Variants in RNLS observed in about 807,000 individuals in gnomAD.
The protein encoded by RNLS is renalase.
Under a neutral mutation model 39.8 loss-of-function variants are expected in RNLS, and 39 were observed. The ratio of observed to expected loss-of-function variants is 0.98; its 90% CI spans 0.76 to 1.28. The LOEUF (loss-of-function observed/expected upper bound fraction) is 1.28, where lower values mean the gene tolerates loss of function less well. Ranked by LOEUF, RNLS falls within the 50% of genes most tolerant of loss-of-function variation. The pLI is 0.00. For synonymous variants in RNLS, 147 were observed against 150.7 expected, an observed-to-expected ratio of 0.98 and a Z score of 0.18; for missense variants, 410 against 413.3, an observed-to-expected ratio of 0.99 and a Z score of 0.07.
At chr10:88,579,816 T>A (rs1358105854) in intron 3 of RNLS, among the ~76,000 whole-genome samples, 1 of 152,218 alleles carries the variant, frequency 6.6e-6, no homozygotes, top group Non-Finnish European at 1.5e-5. Context: ...CAAACACTAT[T>A]CTGGGTGTTT....
chr10:88,583,229 C>G lies in RNLS; in HGVS notation c.-39G>C, dbSNP rs760797564. The G allele has an allele frequency of 2.5e-6, 4 of 1,608,480 alleles. No homozygotes were observed. Among genetic ancestry groups the G allele is most frequent in the East Asian group, 4.5e-5 (2 of 44,812 alleles). ...AGCGATCCGCGCTGAGTCTCTGCGG[C>G]GGGGCCGTTCGGCCCGGGCTTTCTG... On this transcript the variant is annotated 5_prime_UTR_variant, in exon 1 of 7. Coordinates refer to ENST00000331772, the MANE Select transcript of RNLS (RefSeq NM_001031709.3).
At chr10:88,259,121 G>A in the RNLS span, 3 of 152,168 alleles carry the variant, frequency 2.0e-5, no homozygotes, top group Non-Finnish European at 4.4e-5. Context: ...CAAAGACACT[G>A]GTTTAGAAAA....
intron 4 of RNLS, among the ~76,000 whole-genome samples, chr10:88,496,734 A>G (rs568935196): frequency 6.6e-6 from 1 of 152,272 alleles, no homozygotes; most frequent in East Asian, 1.9e-4. Flanking sequence ...AGGCAAATAC[A>G]TGCTCTATGG....
chr10:88,344,571 G>A (rs953462503), intron 5 of RNLS, among the ~76,000 whole-genome samples: 4 of 151,880 alleles, frequency 2.6e-5, no homozygotes, highest in East Asian at 3.9e-4. Context: ...AGCCACTCCC[G>A]AGAAACTACT....
chr10:88,249,948 C>T, the RNLS span, among the ~76,000 whole-genome samples: 1 of 152,350 alleles, frequency 6.6e-6, no homozygotes, highest in South Asian at 2.1e-4. Context: ...TTAAAACCAT[C>T]ATCCCTGGGT....
At chr10:88,579,556 T>TTTTGGGATATCA (rs1850410766) in intron 3 of RNLS, among the ~76,000 whole-genome samples, 1 of 152,166 alleles carries the variant, frequency 6.6e-6, no homozygotes, top group Admixed American at 6.5e-5. Flanking sequence ...TGGGATATCA[T>TTTTGGGATATCA]TTTCTAAGCT....
At chr10:88,300,314 C>A (rs562042175) in intron 6 of RNLS, among the ~76,000 whole-genome samples, 1 of 152,296 alleles carries the variant, frequency 6.6e-6, no homozygotes, top group South Asian at 2.1e-4. Context: ...GAAAGAGAGA[C>A]TGTCTAATAA....
At chr10:88,442,697 C>T (rs1305141422) in intron 4 of RNLS, among the ~76,000 whole-genome samples, 1 of 152,084 alleles carries the variant, frequency 6.6e-6, no homozygotes, top group Non-Finnish European at 1.5e-5. Context: ...GGATTCTTTT[C>T]TTCTGCCTAC....
chr10:88,485,699 G>T lies in RNLS; in HGVS notation c.526+87204C>A, dbSNP rs571456267. Among the ~76,000 whole-genome samples the T allele has an allele frequency of 8.2e-5, 12 of 146,448 alleles. No homozygotes were observed. The South Asian group carries it at 2.6e-3, about 31-fold the overall frequency. ...TTTGCAGTTAACAATATAAATTACT[G>T]CTCTAATCACAATATTCTTTTTCTG... is the stretch of plus-strand genomic sequence containing the variant. On this transcript the variant is annotated intron_variant, in intron 4 of 6. Transcript: ENST00000331772.
At position 88,583,260 on chromosome 10, in the gene RNLS, G is replaced by T. The variant is rs1850768811; in HGVS notation, c.-70C>A. ...CGTTCGGCCCGGGCTTTCTGGAAAG[G>T]CGGCCGAACCGGCGCTAGCGCTCTT... is the stretch of plus-strand genomic sequence containing the variant. On this transcript the variant is annotated 5_prime_UTR_variant, in exon 1 of 7. Coordinates refer to ENST00000331772, the MANE Select transcript of RNLS (RefSeq NM_001031709.3). 20 of 1,589,560 alleles carry T rather than the reference G, an allele frequency of 1.3e-5. No individual in the cohort carries two copies. The South Asian group carries it at 2.1e-4, about 17-fold the overall frequency.
intron 4 of RNLS, among the ~76,000 whole-genome samples, chr10:88,512,364 G>A (rs1373661911): frequency 6.6e-6 from 1 of 152,012 alleles, no homozygotes; most frequent in African/African-American, 2.4e-5. Flanking sequence ...CAGAAAAGTA[G>A]GATCTTCTTC....
At chr10:88,509,504 G>C (rs1301904248) in intron 4 of RNLS, among the ~76,000 whole-genome samples, 1 of 94,260 alleles carries the variant, frequency 1.1e-5, no homozygotes, top group Non-Finnish European at 2.0e-5. Context: ...AGGGGGAGGG[G>C]ACAGGAGGGC....
chr10:88,419,873 G>T (rs1854287729), intron 4 of RNLS, among the ~76,000 whole-genome samples: 1 of 151,992 alleles, frequency 6.6e-6, no homozygotes, highest in African/African-American at 2.4e-5. Context: ...AGCCATGCAT[G>T]GTGGTACATG....
At chr10:88,235,712 T>G in the RNLS span, among the ~76,000 whole-genome samples, 1 of 152,224 alleles carries the variant, frequency 6.6e-6, no homozygotes, top group South Asian at 2.1e-4. Context: ...TTGTATGTAT[T>G]CAGTAAAAAT....
At chr10:88,393,268 G>A (rs1238821808) in intron 4 of RNLS, among the ~76,000 whole-genome samples, 1 of 152,002 alleles carries the variant, frequency 6.6e-6, no homozygotes, top group African/African-American at 2.4e-5. Flanking sequence ...GTTTGCAGAT[G>A]ACATGATTGT....
At chr10:88,172,579 C>T in the RNLS span, among the ~76,000 whole-genome samples, 89,303 of 151,810 alleles carry the variant, frequency 0.59, 26,629 homozygotes, top group South Asian at 0.73. Flanking sequence ...ACATTAGTCC[C>T]TTGTTGGATA....
At chr10:88,177,229 G>T in the RNLS span, among the ~76,000 whole-genome samples, 3 of 152,096 alleles carry the variant, frequency 2.0e-5, no homozygotes, top group Admixed American at 2.0e-4. Context: ...ATTTATTTGT[G>T]TAATGGTGTC....
chr10:88,300,603 TGTAC>T (rs2132950085), intron 6 of RNLS, among the ~76,000 whole-genome samples: 1 of 152,310 alleles, frequency 6.6e-6, no homozygotes, highest in South Asian at 2.1e-4. Context: ...CATAGTATAT[TGTAC>T]ATAGTTTTTG....
At chr10:88,258,220 TTATAAA>T in the RNLS span, among the ~76,000 whole-genome samples, 2 of 152,194 alleles carry the variant, frequency 1.3e-5, no homozygotes. Flanking sequence ...AAAGGGTACT[TTATAAA>T]TATTGTGACT....
Sources: allele counts gnomAD v4.1 joint callset (sites outside exome capture counted in the v4.1 genomes callset), GRCh38; gene constraint gnomAD v4.1.1; transcripts MANE v1.5; gene names NCBI Gene and HGNC (gene_info 2026-07-23, HGNC 2026-07-21).